The following RNGTT variants were observed in gnomAD, a reference collection of about 807,000 sequenced individuals.
The protein encoded by RNGTT is mRNA-capping enzyme.
RNGTT carries 33 observed loss-of-function variants against 79.3 expected under a neutral mutation model. The observed-to-expected ratio is 0.42, with a 90% confidence interval of 0.32 to 0.56. RNGTT has a LOEUF of 0.56. Among genes scored for constraint, RNGTT ranks in the 20% least tolerant of loss-of-function variants. RNGTT has a pLI of 0.17. For missense variants in RNGTT, 497 were observed against 739.1 expected (o/e 0.67, Z 3.80); for synonymous variants, 222 against 235.9 (o/e 0.94, Z 0.54).
chr6:88,612,943 G>C, intron 15 of RNGTT, 61 bp from the exon 16 acceptor site: 1 of 1,483,544 alleles, frequency 6.7e-7, no homozygotes, highest in Admixed American at 2.0e-5. Context: ...ACTCACCACA[G>C]GCTTATGAGA....
chr6:88,823,258 C>T (rs867306097), intron 11 of RNGTT, among the ~76,000 whole-genome samples: 2 of 152,056 alleles, frequency 1.3e-5, no homozygotes, highest in Admixed American at 6.5e-5. Flanking sequence ...TGGTGAAACC[C>T]CGTCTCTACT....
rs539282627 is a variant in RNGTT, at chr6:88,771,315, GTATATATATA to G, written c.1339-1451_1339-1442del. 8.3e-3 allele frequency among the ~76,000 whole-genome samples: 515 copies of G among 62,078 alleles called. 5 individuals are homozygous for G. Among genetic ancestry groups the G allele is most frequent in the South Asian group, 0.047 (81 of 1,738 alleles). 40.7% of individuals were successfully genotyped at this position (62,078 alleles called of 152,430 possible). ...ACTGTATGTATGTATGTGTGTGTGT[GTATATATATA>G]TATATATATATATATATATATATAT... On this transcript the variant is annotated intron_variant, in intron 12 of 15. Coordinates refer to ENST00000369485, the MANE Select transcript of RNGTT (RefSeq NM_003800.5).
intron 12 of RNGTT, among the ~76,000 whole-genome samples, chr6:88,791,465 G>A (rs957720690): frequency 6.6e-6 from 1 of 152,110 alleles, no homozygotes; most frequent in Non-Finnish European, 1.5e-5. Flanking sequence ...CAAGTGTGTG[G>A]TAATGTGTTA....
At chr6:88,873,607 A>C (rs1478100751) in intron 8 of RNGTT, among the ~76,000 whole-genome samples, 1 of 152,174 alleles carries the variant, frequency 6.6e-6, no homozygotes, top group African/African-American at 2.4e-5. Context: ...AAAAGCATAC[A>C]CACCAAAATG....
intron 11 of RNGTT, among the ~76,000 whole-genome samples, chr6:88,805,234 G>A (rs779570043): frequency 3.3e-5 from 5 of 152,160 alleles, no homozygotes; most frequent in Non-Finnish European, 7.4e-5. Context: ...AAAAGGAAGA[G>A]GAAGTGGCAG....
At chr6:88,691,797 C>A (rs1311170405) in intron 13 of RNGTT, among the ~76,000 whole-genome samples, 1 of 151,892 alleles carries the variant, frequency 6.6e-6, no homozygotes, top group Non-Finnish European at 1.5e-5. Context: ...AAAGAAAAAA[C>A]CAACATAAGC....
intron 1 of RNGTT, among the ~76,000 whole-genome samples, chr6:88,953,248 C>G (rs1372784001): frequency 6.6e-6 from 1 of 151,930 alleles, no homozygotes; most frequent in Non-Finnish European, 1.5e-5. Context: ...GAAAAATTCT[C>G]CAGAGAGAAA....
intron 11 of RNGTT, among the ~76,000 whole-genome samples, chr6:88,808,314 T>A (rs1780026281): frequency 6.6e-6 from 1 of 152,150 alleles, no homozygotes; most frequent in South Asian, 2.1e-4. Flanking sequence ...TACTATTATT[T>A]AAAAGTAAAT....
chr6:88,843,218 T>C (rs952049407), intron 11 of RNGTT, among the ~76,000 whole-genome samples: 1 of 151,962 alleles, frequency 6.6e-6, no homozygotes, highest in Admixed American at 6.6e-5. Context: ...CAAAATTGCT[T>C]TATTTGGAAA....
intron 13 of RNGTT, among the ~76,000 whole-genome samples, chr6:88,763,293 T>C (rs919900155): frequency 2.0e-5 from 3 of 151,942 alleles, no homozygotes; most frequent in Non-Finnish European, 2.9e-5. Flanking sequence ...TGATAAATAT[T>C]TGGGGTTGTT....
At chr6:88,749,873 C>T (rs1039846359) in intron 13 of RNGTT, among the ~76,000 whole-genome samples, 4 of 152,178 alleles carry the variant, frequency 2.6e-5, no homozygotes, top group Non-Finnish European at 4.4e-5. Context: ...CCCTCCAACA[C>T]CTGTAGGGAA....
chr6:88,893,605 A>G (rs544382155), intron 6 of RNGTT, among the ~76,000 whole-genome samples: 1 of 152,310 alleles, frequency 6.6e-6, no homozygotes, highest in Non-Finnish European at 1.5e-5. Flanking sequence ...AATATTTTTA[A>G]TTTAACAGAG....
intron 1 of RNGTT, among the ~76,000 whole-genome samples, chr6:88,961,670 TG>T (rs1785630078): frequency 6.6e-6 from 1 of 152,260 alleles, no homozygotes; most frequent in African/African-American, 2.4e-5. Flanking sequence ...TTAAGTCCTT[TG>T]AATTTCTTCT....
chr6:88,798,895 G>A (rs1779689221), intron 12 of RNGTT, among the ~76,000 whole-genome samples: 1 of 152,126 alleles, frequency 6.6e-6, no homozygotes, highest in African/African-American at 2.4e-5. Context: ...AGGTATAAAT[G>A]TCTTCTCCCT....
chr6:88,745,736 T>C (rs1445660060), intron 13 of RNGTT, among the ~76,000 whole-genome samples: 1 of 152,032 alleles, frequency 6.6e-6, no homozygotes, highest in East Asian at 1.9e-4. Flanking sequence ...AACTTACCAT[T>C]TGGCTATCTG....
At chr6:88,701,774 C>G (rs1052635463) in intron 13 of RNGTT, among the ~76,000 whole-genome samples, 3 of 152,062 alleles carry the variant, frequency 2.0e-5, no homozygotes, top group Non-Finnish European at 4.4e-5. Flanking sequence ...GTAAGTACAA[C>G]TGGTAATCAA....
intron 12 of RNGTT, among the ~76,000 whole-genome samples, chr6:88,782,159 C>A (rs1779085549): frequency 6.6e-6 from 1 of 152,042 alleles, no homozygotes; most frequent in Admixed American, 6.6e-5. Context: ...GAGTTTTTCA[C>A]TTTTCACCAG....
intron 13 of RNGTT, among the ~76,000 whole-genome samples, chr6:88,719,503 A>T (rs550032128): frequency 6.6e-6 from 1 of 152,360 alleles, no homozygotes; most frequent in South Asian, 2.1e-4. Context: ...TAATACCTGC[A>T]TTCCAAATGT....
intron 7 of RNGTT, among the ~76,000 whole-genome samples, chr6:88,890,977 T>G (rs1292212259): frequency 6.6e-6 from 1 of 152,206 alleles, no homozygotes; most frequent in East Asian, 1.9e-4. Flanking sequence ...AACGTGAGAC[T>G]GCCAACTTGA....
Sources: gnomAD v4.1 joint callset for allele counts (sites outside exome capture counted in the v4.1 genomes callset) on GRCh38, gnomAD v4.1.1 for gene constraint, MANE v1.5 for transcripts, NCBI Gene and HGNC (gene_info 2026-07-23, HGNC 2026-07-21) for gene names.